The following NKAIN2 variants were observed in gnomAD, a reference collection of about 807,000 sequenced individuals.
NKAIN2 encodes sodium/potassium-transporting ATPase subunit beta-1-interacting protein 2.
Under a neutral mutation model 32.6 loss-of-function variants are expected in NKAIN2, and 14 were observed. The ratio of observed to expected loss-of-function variants is 0.43; its 90% CI spans 0.28 to 0.67. The LOEUF is 0.67. Among genes scored for constraint, NKAIN2 ranks in the 30% least tolerant of loss-of-function variants. The probability of loss-of-function intolerance (pLI) is 0.17; values close to 1 mark genes in which losing one functional copy is unlikely to be tolerated. For synonymous variants in NKAIN2, 80 were observed against 87.2 expected (o/e 0.92, Z 0.46); for missense variants, 198 against 258.3 (o/e 0.77, Z 1.60).
intron 4 of NKAIN2, among the ~76,000 whole-genome samples, chr6:124,723,572 T>C (rs926567175): frequency 9.2e-5 from 14 of 152,344 alleles, no homozygotes; most frequent in African/African-American, 3.1e-4. Flanking sequence ...CCTTAGACCT[T>C]AGCTATTTGG....
chr6:124,249,216 A>G (rs987594578), intron 1 of NKAIN2, among the ~76,000 whole-genome samples: 1 of 152,100 alleles, frequency 6.6e-6, no homozygotes, highest in African/African-American at 2.4e-5. Context: ...AGGTGGGAAA[A>G]GTTTGTTTCA....
At chr6:123,952,082 G>A (rs1777354367) in intron 1 of NKAIN2, among the ~76,000 whole-genome samples, 1 of 152,050 alleles carries the variant, frequency 6.6e-6, no homozygotes, top group Non-Finnish European at 1.5e-5. Flanking sequence ...TGTAGGTACA[G>A]TCTAGTGGTG....
At chr6:124,117,167 G>C (rs566307367) in intron 1 of NKAIN2, among the ~76,000 whole-genome samples, 1 of 151,986 alleles carries the variant, frequency 6.6e-6, no homozygotes, top group South Asian at 2.1e-4. Context: ...ATTCAATTTT[G>C]GTTAAGGTAG....
At chr6:123,854,681 A>C (rs895016257) in intron 1 of NKAIN2, among the ~76,000 whole-genome samples, 1 of 152,188 alleles carries the variant, frequency 6.6e-6, no homozygotes, top group Non-Finnish European at 1.5e-5. Flanking sequence ...CTTAGAGTAC[A>C]TAAGTAACTT....
chr6:124,316,658 A>G (rs1161622127), intron 2 of NKAIN2, among the ~76,000 whole-genome samples: 1 of 152,164 alleles, frequency 6.6e-6, no homozygotes, highest in Non-Finnish European at 1.5e-5. Flanking sequence ...GGGAAAGCTA[A>G]GAGGAATTTC....
At chr6:124,128,933 A>C (rs1268470209) in intron 1 of NKAIN2, among the ~76,000 whole-genome samples, 3 of 152,166 alleles carry the variant, frequency 2.0e-5, no homozygotes, top group Non-Finnish European at 2.9e-5. Context: ...TTTGGTGTGC[A>C]CAGAATCACA....
At chr6:124,064,456 T>C (rs1783066202) in intron 1 of NKAIN2, among the ~76,000 whole-genome samples, 1 of 152,022 alleles carries the variant, frequency 6.6e-6, no homozygotes, top group Non-Finnish European at 1.5e-5. Flanking sequence ...TTTCATTTGC[T>C]TTACTTATAT....
chr6:124,565,551 C>A (rs1182026964), intron 3 of NKAIN2, among the ~76,000 whole-genome samples: 1 of 152,172 alleles, frequency 6.6e-6, no homozygotes, highest in Non-Finnish European at 1.5e-5. Flanking sequence ...GACGTAATCT[C>A]CTCCTTTTGG....
intron 3 of NKAIN2, among the ~76,000 whole-genome samples, chr6:124,391,229 A>T (rs1773128730): frequency 6.6e-6 from 1 of 152,176 alleles, no homozygotes. Flanking sequence ...ACAAGTCTAC[A>T]GTGAAGAAAG....
chr6:123,911,820 C>T (rs369414225), intron 1 of NKAIN2, among the ~76,000 whole-genome samples: 9,676 of 74,524 alleles, frequency 0.13, 1,251 homozygotes, highest in East Asian at 0.18. Context: ...TATACACACA[C>T]ACACACACAC....
At chr6:123,952,302 G>T (rs1289918483) in intron 1 of NKAIN2, among the ~76,000 whole-genome samples, 7 of 151,988 alleles carry the variant, frequency 4.6e-5, no homozygotes, top group Non-Finnish European at 1.0e-4. Flanking sequence ...GACTGGATGT[G>T]TTTCTTTTTC....
intron 3 of NKAIN2, among the ~76,000 whole-genome samples, chr6:124,395,274 G>A (rs930019353): frequency 6.6e-6 from 1 of 152,098 alleles, no homozygotes; most frequent in Non-Finnish European, 1.5e-5. Flanking sequence ...AGTCATAGGT[G>A]ATTCCAGAGA....
intron 3 of NKAIN2, among the ~76,000 whole-genome samples, chr6:124,490,744 T>A (rs1777830823): frequency 6.6e-6 from 1 of 151,774 alleles, no homozygotes; most frequent in Non-Finnish European, 1.5e-5. Flanking sequence ...AAATTGATAG[T>A]ATTTAGTAAA....
intron 2 of NKAIN2, among the ~76,000 whole-genome samples, chr6:124,323,906 G>T (rs575331538): frequency 3.3e-5 from 5 of 150,012 alleles, no homozygotes; most frequent in Non-Finnish European, 7.4e-5. Context: ...TCCTGCCTCA[G>T]CCTCCCGAGG....
At chr6:124,556,792 A>T (rs1173009807) in intron 3 of NKAIN2, among the ~76,000 whole-genome samples, 2 of 152,190 alleles carry the variant, frequency 1.3e-5, no homozygotes, top group Non-Finnish European at 2.9e-5. Context: ...ACTTTGTTGA[A>T]GTCCTAAACT....
At chr6:124,512,904 T>A (rs1361370004) in intron 3 of NKAIN2, among the ~76,000 whole-genome samples, 1 of 152,136 alleles carries the variant, frequency 6.6e-6, no homozygotes. Context: ...TAAATCTACA[T>A]GATGTTTAAA....
chr6:124,815,031 T>C (rs1196816645), intron 5 of NKAIN2, among the ~76,000 whole-genome samples: 1 of 151,718 alleles, frequency 6.6e-6, no homozygotes, highest in African/African-American at 2.4e-5. Flanking sequence ...TGATCTATTG[T>C]AACCCACTCT....
chr6:124,725,645 C>T (rs1252766424), intron 4 of NKAIN2, among the ~76,000 whole-genome samples: 1 of 152,142 alleles, frequency 6.6e-6, no homozygotes, highest in African/African-American at 2.4e-5. Context: ...AAAGGGCAAT[C>T]AGTTGTTTAA....
intron 5 of NKAIN2, among the ~76,000 whole-genome samples, chr6:124,804,034 C>A (rs761448238): frequency 6.6e-6 from 1 of 152,138 alleles, no homozygotes; most frequent in African/African-American, 2.4e-5. Context: ...AGGCTCAGAG[C>A]AATTGTGACC....
Sources: gnomAD v4.1 joint callset for allele counts (sites outside exome capture counted in the v4.1 genomes callset) on GRCh38, gnomAD v4.1.1 for gene constraint, MANE v1.5 for transcripts, NCBI Gene and HGNC (gene_info 2026-07-23, HGNC 2026-07-21) for gene names.